ESM1: variants seen among roughly 807,000 people sequenced by gnomAD.
ESM1 encodes endothelial cell specific molecule 1.
ESM1 carries 7 observed loss-of-function variants against 14.9 expected under a neutral mutation model. That is an observed-to-expected ratio of 0.47 (90% CI 0.27 to 0.88). The LOEUF (loss-of-function observed/expected upper bound fraction) is 0.88, where lower values mean the gene tolerates loss of function less well. ESM1 is among the 40% of genes least tolerant of loss of function. The pLI is 0.14. For synonymous variants in ESM1, 89 were observed against 89.4 expected (o/e 1.00, Z 0.02); for missense variants, 192 against 237.9 (o/e 0.81, Z 1.27).
At chr5:54,981,706 AT>A (rs1744054750) in intron 2 of ESM1, among the ~76,000 whole-genome samples, 1 of 152,186 alleles carries the variant, frequency 6.6e-6, no homozygotes, top group African/African-American at 2.4e-5. Flanking sequence ...TCAGTTGGTT[AT>A]TTTTTATTAC....
rs1490053023 is a variant in ESM1 at position 54,979,200 on chromosome 5, A to G, written c.*132T>C. ...AAGTATCCTACTTTTTGTTTTCTGG[A>G]TCCACCATGCATCACATTTGGTCTT... On this transcript the variant is annotated 3_prime_UTR_variant, in exon 3 of 3. Coordinates refer to ENST00000381405, the MANE Select transcript of ESM1 (RefSeq NM_007036.5). 2 of 673,392 alleles carry G rather than the reference A, an allele frequency of 3.0e-6. No homozygotes were observed. Among genetic ancestry groups the G allele is most frequent in the African/African-American group, 3.6e-5 (2 of 55,752 alleles). The allele number at this position is 673,392 out of a possible 1,614,324, so 41.7% of individuals were successfully genotyped here. A position where few individuals can be genotyped will look rare whatever the true frequency, so the allele number is the denominator to read the frequency against.
chr5:54,984,712 C>G (rs1172392475), intron 1 of ESM1, among the ~76,000 whole-genome samples: 1 of 152,218 alleles, frequency 6.6e-6, no homozygotes, highest in African/African-American at 2.4e-5. Context: ...TAAGCTCACT[C>G]TATTCCATAA....
In ESM1 at chr5:54,979,250, TA is replaced by T; in HGVS notation, c.*81del. ...TCAAAAATTACATGTCCTTATGCTATAATCTAGAAAGTTCCTAAAATGTTGG... is the reference window on the plus strand; with the variant it reads ...TCAAAAATTACATGTCCTTATGCTATATCTAGAAAGTTCCTAAAATGTTGG... On this transcript the variant is annotated 3_prime_UTR_variant, in exon 3 of 3. Transcript: ENST00000381405. 1 of 1,009,564 alleles carries T rather than the reference TA, an allele frequency of 9.9e-7. No individual in the cohort carries two copies. Among genetic ancestry groups the T allele is most frequent in the Non-Finnish European group, 1.6e-6 (1 of 643,708 alleles). 62.5% of individuals were successfully genotyped at this position (1,009,564 alleles called of 1,614,324 possible).
At position 54,982,089 on chromosome 5, in the gene ESM1, C is replaced by T. The variant is rs1744064122; in HGVS notation, c.359G>A (p.Gly120Asp). 3.1e-6 allele frequency: 5 copies of T among 1,613,986 alleles called. No individual in the cohort carries two copies. The highest frequency in any genetic ancestry group is 3.4e-6 in the Non-Finnish European group (4 of 1,179,968). The change falls in exon 2 of 3, where the codon GGC (glycine) becomes GAC (aspartate). Residue 120 changes from glycine to aspartate, a missense_variant. Transcript: ENST00000381405. ...DCRETCNCQS[G>D]ICDRGTGKCL... ...TTTTCCCGTCCCCCTGTCACAGATG[C>T]CTGACTGGCAGTTGCAGGTCTCTCT...
At chr5:54,985,028 C>CA (rs1740506169) in intron 1 of ESM1, among the ~76,000 whole-genome samples, 189 bp downstream of exon 1, 1 of 152,214 alleles carries the variant, frequency 6.6e-6, no homozygotes, top group Non-Finnish European at 1.5e-5. Flanking sequence ...CCTTCCTGCA[C>CA]ACTGGTTTCA....
At chr5:54,980,934 G>T (rs1744040888) in intron 2 of ESM1, among the ~76,000 whole-genome samples, 1 of 152,002 alleles carries the variant, frequency 6.6e-6, no homozygotes, top group Non-Finnish European at 1.5e-5. Context: ...TTATAGTTGT[G>T]GTGGGAAAAA....
intron 1 of ESM1, among the ~76,000 whole-genome samples, chr5:54,982,908 A>G (rs1740420974): frequency 6.6e-6 from 1 of 152,228 alleles, no homozygotes; most frequent in African/African-American, 2.4e-5. Context: ...AACATCCTAC[A>G]TTGAAATAAA....
chr5:54,979,121 C>T lies in ESM1; in HGVS notation c.*211G>A, dbSNP rs144104503. The T allele has an allele frequency of 1.1e-4, 57 of 510,958 alleles. No individual in the cohort carries two copies. Among genetic ancestry groups the T allele is most frequent in the African/African-American group, 8.8e-4 (45 of 51,378 alleles). 31.7% of individuals were successfully genotyped at this position (510,958 alleles called of 1,614,324 possible). Reference sequence around the variant, plus strand: ...CACATTTAACAAATCTACATGCATTCGAATATTTAACAAACACATACAAGT... The same window carrying T: ...CACATTTAACAAATCTACATGCATTTGAATATTTAACAAACACATACAAGT... On this transcript the variant is annotated 3_prime_UTR_variant, in exon 3 of 3. Coordinates refer to ENST00000381405, the MANE Select transcript of ESM1 (RefSeq NM_007036.5).
chr5:54,983,075 G>C (rs1261477372), intron 1 of ESM1, among the ~76,000 whole-genome samples: 1 of 152,198 alleles, frequency 6.6e-6, no homozygotes, highest in Non-Finnish European at 1.5e-5. Context: ...TACAATCACA[G>C]GTGGGTAAAG....
In ESM1 at chr5:54,979,019, G is replaced by C. The variant is rs1314612760; in HGVS notation, c.*313C>G. 4.6e-6 allele frequency: 1 copy of C among 216,278 alleles called. No homozygotes were observed. Among genetic ancestry groups the C allele is most frequent in the Non-Finnish European group, 9.1e-6 (1 of 109,848 alleles). The allele number at this position is 216,278 out of a possible 1,614,324, so 13.4% of individuals were successfully genotyped here. On this transcript the variant is annotated 3_prime_UTR_variant, in exon 3 of 3. Coordinates refer to ENST00000381405, the MANE Select transcript of ESM1 (RefSeq NM_007036.5). ...TCACTGCGGTCTTCAGCTTTGCCTA[G>C]CTCCCTCTTTGGTTGACCTGTCTCC...
intron 1 of ESM1, among the ~76,000 whole-genome samples, chr5:54,983,097 A>C (rs998749466): frequency 1.2e-4 from 19 of 152,220 alleles, no homozygotes; most frequent in Admixed American, 1.2e-3. Context: ...ACAAATTGTG[A>C]GCCATCTGAG....
intron 2 of ESM1, among the ~76,000 whole-genome samples, chr5:54,980,500 G>C (rs554053890): frequency 3.3e-5 from 5 of 152,266 alleles, no homozygotes; most frequent in African/African-American, 9.6e-5. Flanking sequence ...CTCCCCAAGA[G>C]GTCCTTAGGG....
At position 54,985,339 on chromosome 5, in the gene ESM1, C is replaced by T. The variant is rs1473845397; in HGVS notation, c.179G>A (p.Gly60Glu). Residue 60 changes from glycine (G) to glutamate (E), a missense_variant, in exon 1 of 3, where the codon GGG becomes GAG. Physicochemically the swap from Gly to Glu is moderately conservative, Grantham distance 98. Transcript: ENST00000381405. ...DCGCCRVCAA[G>E]RGETCYRTVS... ...TGTGCGGTAGCAAGTTTCTCCCCGC[C>T]CTGCAGCGCACACTCGGCAGCAGCC... 1 of 1,614,180 alleles carries T rather than the reference C, an allele frequency of 6.2e-7. No homozygotes were observed. Among genetic ancestry groups the T allele is most frequent in the Non-Finnish European group, 8.5e-7 (1 of 1,180,034 alleles).
intron 1 of ESM1, among the ~76,000 whole-genome samples, chr5:54,984,287 A>G (rs968065633): frequency 6.6e-6 from 1 of 152,154 alleles, no homozygotes; most frequent in Non-Finnish European, 1.5e-5. Context: ...TCCTGGTATT[A>G]CACAACTGAT....
rs1294076459 is a variant in ESM1, at chr5:54,978,158, A to T, written c.*1174T>A. The T allele has an allele frequency of 1.3e-5, 2 of 152,196 alleles. No homozygotes were observed. The highest frequency in any genetic ancestry group is 1.5e-5 in the Non-Finnish European group (1 of 68,024). The allele number at this position is 152,196 out of a possible 1,614,324, so 9.4% of individuals were successfully genotyped here. A position where few individuals can be genotyped will look rare whatever the true frequency, so the allele number is the denominator to read the frequency against. On this transcript the variant is annotated 3_prime_UTR_variant, in exon 3 of 3. Transcript: ENST00000381405. ...CACTTATCAACCAAGTTTAAAAGAA[A>T]AAAATATGAAAATAAACTATATTTT... is the stretch of plus-strand genomic sequence containing the variant.
Position 54,979,301 on chromosome 5 carries a change from T to C in ESM1, c.*31A>G, listed in dbSNP as rs760394578. ...GCTGTGTGTTGAACAATCACGAAAA[T>C]AGAGCCTTCTCTCAGAAATCACAGC... On this transcript the variant is annotated 3_prime_UTR_variant, in exon 3 of 3. Coordinates refer to ENST00000381405, the MANE Select transcript of ESM1 (RefSeq NM_007036.5). 2.7e-6 allele frequency: 4 copies of C among 1,496,640 alleles called. No individual in the cohort carries two copies. The African/African-American group carries it at 5.5e-5, about 21-fold the overall frequency. 92.7% of individuals were successfully genotyped at this position (1,496,640 alleles called of 1,614,324 possible).
intron 2 of ESM1, among the ~76,000 whole-genome samples, chr5:54,980,953 T>C (rs1470344882): frequency 1.3e-5 from 2 of 152,202 alleles, no homozygotes; most frequent in African/African-American, 2.4e-5. Context: ...AAGTATATCA[T>C]TTGTTGATAC....
Position 54,982,143 on chromosome 5 carries a change from CAG to C in ESM1, c.303_304del (p.Asp101GlufsTer22). The C allele has an allele frequency of 1.2e-6, 2 of 1,613,952 alleles. No individual in the cohort carries two copies. Among genetic ancestry groups the C allele is most frequent in the Non-Finnish European group, 1.7e-6 (2 of 1,179,918 alleles). On this transcript the variant is annotated frameshift_variant and splice_region_variant, in exon 2 of 3. Transcript: ENST00000381405. LOFTEE classifies it high-confidence loss of function. ...ATCCATCCCGAAGGTGCCGTAGGGACAGTCTGGGGACAAAGGAAAGGTTGGAG... is the reference window on the plus strand; with the variant it reads ...ATCCATCCCGAAGGTGCCGTAGGGACTCTGGGGACAAAGGAAAGGTTGGAG...
At chr5:54,980,053 G>T (rs1298091489) in intron 2 of ESM1, among the ~76,000 whole-genome samples, 1 of 152,218 alleles carries the variant, frequency 6.6e-6, no homozygotes, top group African/African-American at 2.4e-5. Context: ...ACATTCTGAT[G>T]TGGAATGCTT....
Sources: gnomAD v4.1 joint callset for allele counts (sites outside exome capture counted in the v4.1 genomes callset) on GRCh38, gnomAD v4.1.1 for gene constraint, MANE v1.5 for transcripts, NCBI Gene and HGNC (gene_info 2026-07-23, HGNC 2026-07-21) for gene names.